GRM7: variants seen among roughly 807,000 people sequenced by gnomAD.
The protein encoded by GRM7 is glutamate metabotropic receptor 7, also known as metabotropic glutamate receptor 7.
Under a neutral mutation model 84.5 loss-of-function variants are expected in GRM7, and 35 were observed. The observed-to-expected ratio is 0.41, with a 90% CI of 0.32 to 0.55. GRM7 has a LOEUF of 0.55. Ranked by LOEUF, GRM7 falls within the 20% of genes least tolerant of loss-of-function variation. The pLI is 0.19. For synonymous variants in GRM7, 487 were observed against 455.1 expected (o/e 1.07, Z -0.89); for missense variants, 1,003 against 1,194.6 (o/e 0.84, Z 2.36).
At chr3:7,559,512 A>G (rs1693918165) in intron 7 of GRM7, among the ~76,000 whole-genome samples, 3 of 152,014 alleles carry the variant, frequency 2.0e-5, no homozygotes, top group African/African-American at 7.2e-5. Context: ...ACCATCACTG[A>G]CCAATAAAAT....
intron 1 of GRM7, among the ~76,000 whole-genome samples, chr3:7,065,580 T>A (rs1015144888): frequency 6.6e-5 from 10 of 152,012 alleles, no homozygotes; most frequent in Non-Finnish European, 1.5e-4. Context: ...CCACACTGTT[T>A]TGGTGACTAT....
intron 7 of GRM7, among the ~76,000 whole-genome samples, chr3:7,528,299 G>T (rs182778848): frequency 6.6e-6 from 1 of 151,890 alleles, no homozygotes; most frequent in Non-Finnish European, 1.5e-5. Context: ...AGATTTTCTT[G>T]TTTGTGTTTA....
chr3:7,644,394 ATAGT>A (rs140257946), intron 8 of GRM7, among the ~76,000 whole-genome samples: 7,440 of 152,212 alleles, frequency 0.049, 258 homozygotes, highest in African/African-American at 0.094. Context: ...ATTTGCAGAA[ATAGT>A]TAGTTTTAAC....
At chr3:7,377,568 G>A (rs993186516) in intron 4 of GRM7, among the ~76,000 whole-genome samples, 2 of 152,166 alleles carry the variant, frequency 1.3e-5, no homozygotes, top group African/African-American at 4.8e-5. Flanking sequence ...AAAGCACCCT[G>A]TGGAGTGTTA....
intron 8 of GRM7, among the ~76,000 whole-genome samples, chr3:7,648,317 T>C (rs1258432156): frequency 6.6e-6 from 1 of 151,260 alleles, no homozygotes; most frequent in Non-Finnish European, 1.5e-5. Flanking sequence ...AAAAAACATA[T>C]TGATAATTGA....
chr3:7,616,205 C>T (rs1475388568), intron 8 of GRM7, among the ~76,000 whole-genome samples: 1 of 152,088 alleles, frequency 6.6e-6, no homozygotes, highest in Non-Finnish European at 1.5e-5. Flanking sequence ...GACTTTACTG[C>T]CGGCATCATT....
chr3:7,078,603 A>T (rs572373296), intron 1 of GRM7, among the ~76,000 whole-genome samples: 17 of 152,334 alleles, frequency 1.1e-4, no homozygotes, highest in Admixed American at 9.8e-4. Flanking sequence ...TTTATATTAA[A>T]TTAAAACCAA....
At chr3:7,464,827 CAAAAAA>C (rs71307749) in intron 7 of GRM7, among the ~76,000 whole-genome samples, 1 of 85,796 alleles carries the variant, frequency 1.2e-5, no homozygotes, top group Non-Finnish European at 2.4e-5. Flanking sequence ...GACTCTGTCT[CAAAAAA>C]AAAAAAAAAA....
At chr3:6,969,098 T>C (rs1575079562) in intron 1 of GRM7, among the ~76,000 whole-genome samples, 1 of 134,670 alleles carries the variant, frequency 7.4e-6, no homozygotes, top group Non-Finnish European at 1.5e-5. Context: ...GTTTTTTTTT[T>C]CTTTCTTGTG....
chr3:7,709,336 T>A (rs868706353), intron 9 of GRM7, among the ~76,000 whole-genome samples: 1 of 152,216 alleles, frequency 6.6e-6, no homozygotes, highest in East Asian at 1.9e-4. Flanking sequence ...AATGGCATAG[T>A]TTGGAACAGA....
At chr3:7,406,267 G>T (rs1695672177) in intron 4 of GRM7, among the ~76,000 whole-genome samples, 1 of 152,098 alleles carries the variant, frequency 6.6e-6, no homozygotes, top group Admixed American at 6.6e-5. Flanking sequence ...TTGGGAGGCT[G>T]AGGTGGGTGG....
chr3:6,998,930 C>T (rs1694918299), intron 1 of GRM7, among the ~76,000 whole-genome samples: 1 of 152,224 alleles, frequency 6.6e-6, no homozygotes, highest in Non-Finnish European at 1.5e-5. Flanking sequence ...AAGAATGTCT[C>T]TGACATGCCC....
At chr3:7,229,753 ATATATATTTT>A (rs1697118545) in intron 2 of GRM7, among the ~76,000 whole-genome samples, 4 of 29,312 alleles carry the variant, frequency 1.4e-4, no homozygotes, top group Admixed American at 9.7e-4. Flanking sequence ...ATATATATAT[ATATATATTTT>A]TTTTTTTTTT....
At chr3:7,137,380 A>G (rs1323501960) in intron 1 of GRM7, among the ~76,000 whole-genome samples, 1 of 152,050 alleles carries the variant, frequency 6.6e-6, no homozygotes, top group Non-Finnish European at 1.5e-5. Flanking sequence ...GACTTGAAAG[A>G]GTATGATTTT....
intron 1 of GRM7, among the ~76,000 whole-genome samples, chr3:6,995,986 T>G (rs1470264272): frequency 6.6e-6 from 1 of 152,220 alleles, no homozygotes; most frequent in Admixed American, 6.5e-5. Flanking sequence ...TATGCTCACT[T>G]CATGAAAACG....
chr3:6,891,391 T>C (rs1189157067), intron 1 of GRM7, among the ~76,000 whole-genome samples: 1 of 152,224 alleles, frequency 6.6e-6, no homozygotes, highest in Non-Finnish European at 1.5e-5. Context: ...TTTCCGCGTT[T>C]AGTGCTTCCT....
chr3:7,077,844 C>T (rs1041241650), intron 1 of GRM7, among the ~76,000 whole-genome samples: 1 of 152,092 alleles, frequency 6.6e-6, no homozygotes, highest in African/African-American at 2.4e-5. Flanking sequence ...AACATTTGTT[C>T]CATACCACTT....
At chr3:7,444,261 A>G (rs1457961046) in intron 5 of GRM7, among the ~76,000 whole-genome samples, 1 of 152,198 alleles carries the variant, frequency 6.6e-6, no homozygotes, top group Non-Finnish European at 1.5e-5. Context: ...ATGAGCTAAG[A>G]GGACAGGCAT....
intron 1 of GRM7, among the ~76,000 whole-genome samples, chr3:7,055,294 T>G (rs1697174752): frequency 1.3e-5 from 2 of 151,834 alleles, no homozygotes; most frequent in Non-Finnish European, 2.9e-5. Flanking sequence ...TACCAATAAC[T>G]ATTCTTAAGT....
Sources: allele counts gnomAD v4.1 joint callset (sites outside exome capture counted in the v4.1 genomes callset), GRCh38; gene constraint gnomAD v4.1.1; transcripts MANE v1.5; gene names NCBI Gene and HGNC (gene_info 2026-07-23, HGNC 2026-07-21).